The following KIRREL2 variants were observed in gnomAD, a reference collection of about 807,000 sequenced individuals.
KIRREL2 encodes kirre like nephrin family adhesion molecule 2, also known as kin of IRRE-like protein 2.
KIRREL2 carries 56 observed loss-of-function variants against 73.4 expected under a neutral mutation model. The observed-to-expected ratio is 0.76, with a 90% CI of 0.62 to 0.95. The LOEUF is 0.95. Among genes scored for constraint, KIRREL2 ranks in the 40% least tolerant of loss-of-function variants. The pLI is 0.00. For missense variants in KIRREL2, 896 were observed against 935.0 expected (o/e 0.96, Z 0.54); for synonymous variants, 407 against 404.0 (o/e 1.01, Z -0.09).
Position 35,860,630 on chromosome 19 carries a change from G to T in KIRREL2, c.891G>T (p.Val297=). 1.2e-6 allele frequency: 2 copies of T among 1,603,558 alleles called. No homozygotes were observed. The highest frequency in any genetic ancestry group is 8.5e-7 in the Non-Finnish European group (1 of 1,179,954). The part of the protein sequence containing the change: ...EPVSCEVSNA[V]GSANRSTALD... ...TGTCCTGCGAGGTCAGCAACGCCGT[G>T]GGTAGCGCCAACCGCAGTACTGCGC... Residue 297 remains valine (V), a synonymous_variant, in exon 7 of 15, where the codon GTG becomes GTT. Transcript: ENST00000360202.
Position 35,864,478 on chromosome 19 carries a change from C to T in KIRREL2, c.1726-170C>T, listed in dbSNP as rs186095234. On this transcript the variant is annotated intron_variant, in intron 13 of 14. Coordinates refer to ENST00000360202, the MANE Select transcript of KIRREL2 (RefSeq NM_199180.4). ...GTGCTGGGATTACATGCATGAGCCA[C>T]TGTGCTGGCTTCTTACAGCCCTTTT... Among the ~76,000 whole-genome samples, 931 of 152,288 alleles carry T rather than the reference C, an allele frequency of 6.1e-3. 3 individuals are homozygous for T. Among genetic ancestry groups the T allele is most frequent in the Non-Finnish European group, 9.7e-3 (661 of 68,022 alleles).
upstream of KIRREL2, chr19:35,851,696 G>A (rs200757178): frequency 1.3e-6 from 2 of 1,599,764 alleles, no homozygotes; most frequent in East Asian, 2.3e-5. Flanking sequence ...GCGGTGCAAG[G>A]AAAGGGCAGA....
At chr19:35,855,322 C>T (rs1014471093), upstream of KIRREL2, among the ~76,000 whole-genome samples, 4 of 152,002 alleles carry the variant, frequency 2.6e-5, no homozygotes, top group Non-Finnish European at 5.9e-5. Flanking sequence ...CCACCCTCCA[C>T]CTTGGCTGTT....
chr19:35,860,550 G>A lies in KIRREL2; in HGVS notation c.811G>A (p.Ala271Thr), dbSNP rs1411861394. The change falls in exon 7 of 15, where the codon GCC becomes ACC. Residue 271 changes from alanine to threonine, a missense_variant. Coordinates refer to ENST00000360202, the MANE Select transcript of KIRREL2 (RefSeq NM_199180.4). ...WAKGGSPVLG[A>T]RGPRLEVVAD... ...AAAAGGGGGCTCTCCGGTGCTCGGG[G>A]CCCGCGGGCCAAGGTTAGAGGTCGT... is the stretch of plus-strand genomic sequence containing the variant. 6.2e-7 allele frequency: 1 copy of A among 1,603,222 alleles called. No individual in the cohort carries two copies. Among genetic ancestry groups the A allele is most frequent in the Non-Finnish European group, 8.5e-7 (1 of 1,179,954 alleles).
chr19:35,858,353 C>G, intron 2 of KIRREL2, 55 bp from the exon 3 acceptor site: 1 of 1,587,252 alleles, frequency 6.3e-7, no homozygotes, highest in Non-Finnish European at 8.6e-7. Flanking sequence ...GGATGGAGGC[C>G]TGAGGCCAGG....
At chr19:35,865,570 G>A (rs760647944) in intron 14 of KIRREL2, among the ~76,000 whole-genome samples, 12 of 152,150 alleles carry the variant, frequency 7.9e-5, no homozygotes, top group African/African-American at 1.7e-4. Flanking sequence ...CCATGCTTCC[G>A]TCATGACAGC....
chr19:35,851,894 C>A (rs140404523), upstream of KIRREL2: 8,611 of 1,455,906 alleles, frequency 5.9e-3, 36 homozygotes, highest in Non-Finnish European at 6.8e-3. Flanking sequence ...CTGCGTCTGT[C>A]TGGCTTTCTC....
rs375947934 is a variant in KIRREL2 at position 35,858,705 on chromosome 19, C to T, written c.363C>T (p.Val121=). The change falls in exon 4 of 15, where the codon GTC becomes GTT. Residue 121 remains valine, a splice_region_variant and synonymous_variant. Coordinates refer to ENST00000360202, the MANE Select transcript of KIRREL2 (RefSeq NM_199180.4). The stretch of plus-strand genomic sequence containing the variant: ...TCTGACCCCAAATCCACCTTGCAGT[C>T]CCCCCAGAAGCCCCCCAGGTGCTGG... ...RSRPAQLHVL[V]PPEAPQVLGG... 2.5e-6 allele frequency: 4 copies of T among 1,613,640 alleles called. No homozygotes were observed. Among genetic ancestry groups the T allele is most frequent in the Non-Finnish European group, 3.4e-6 (4 of 1,179,830 alleles).
intron 3 of KIRREL2, 69 bp from the exon 4 acceptor site, chr19:35,858,635 G>A: frequency 1.2e-6 from 2 of 1,607,924 alleles, no homozygotes; most frequent in Admixed American, 3.3e-5. Context: ...AGCCCAGGGA[G>A]CCCAGGGGCA....
rs1973604019 is a variant in KIRREL2, at chr19:35,860,231, A to G, written c.674-66A>G. On this transcript the variant is annotated intron_variant, in intron 5 of 14. Transcript: ENST00000360202. Reference sequence around the variant, plus strand: ...CTGGGATGGAGGAACCAGGGACTGGACACCTAGGCCAGTGACGGAGGTGTT... The same window carrying G: ...CTGGGATGGAGGAACCAGGGACTGGGCACCTAGGCCAGTGACGGAGGTGTT... The G allele has an allele frequency of 3.8e-6, 5 of 1,323,456 alleles. No individual in the cohort carries two copies. The South Asian group carries it at 5.0e-5, about 13-fold the overall frequency. The allele number at this position is 1,323,456 out of a possible 1,614,324, so 82.0% of individuals were successfully genotyped here.
chr19:35,858,605 G>T (rs375985986), intron 3 of KIRREL2, 48 bp downstream of exon 3: 5 of 1,611,250 alleles, frequency 3.1e-6, no homozygotes, highest in Non-Finnish European at 4.2e-6. Context: ...AGGGCAGCCC[G>T]TACTAGCTGT....
chr19:35,857,569 C>A, intron 2 of KIRREL2, 75 bp downstream of exon 2: 1 of 1,405,310 alleles, frequency 7.1e-7, no homozygotes, highest in Non-Finnish European at 9.6e-7. Flanking sequence ...CCTGCAGTTT[C>A]TATTTTGACA....
chr19:35,861,706 C>G (rs1973696302), intron 10 of KIRREL2, 65 bp downstream of exon 10: 52 of 1,589,696 alleles, frequency 3.3e-5, no homozygotes, highest in Non-Finnish European at 4.3e-5. Flanking sequence ...ACCTGGCCCC[C>G]CGAAACTACT....
At chr19:35,851,959 T>C (rs1973278145), upstream of KIRREL2, 1 of 801,804 alleles carries the variant, frequency 1.2e-6, no homozygotes, top group Non-Finnish European at 2.1e-6. Flanking sequence ...TCTCTTTCCG[T>C]TACTCTCCTC....
At chr19:35,855,768 T>TG (rs1285025227), upstream of KIRREL2, 2 of 151,690 alleles carry the variant, frequency 1.3e-5, no homozygotes, top group African/African-American at 2.4e-5. Context: ...TGGGCCTGTG[T>TG]GGGGGTGGGG....
At chr19:35,855,700 C>CACACACAT, upstream of KIRREL2, among the ~76,000 whole-genome samples, 1 of 138,512 alleles carries the variant, frequency 7.2e-6, no homozygotes, top group Non-Finnish European at 1.5e-5. Context: ...CACACACACA[C>CACACACAT]ACACACATAC....
upstream of KIRREL2, chr19:35,851,675 G>A: frequency 6.2e-7 from 1 of 1,611,620 alleles, no homozygotes; most frequent in Non-Finnish European, 8.5e-7. Context: ...CGCCAGGCCT[G>A]AGGACACAGC....
chr19:35,866,543 G>T lies in KIRREL2; in HGVS notation c.*51G>T. On this transcript the variant is annotated 3_prime_UTR_variant, in exon 15 of 15. Transcript: ENST00000360202. The stretch of plus-strand genomic sequence containing the variant: ...GATCTCCAACTTGCCATAATGGATT[G>T]TTCTGATTTCTGAGGAGCCAGGACA... The T allele has an allele frequency of 6.2e-7, 1 of 1,611,214 alleles. No individual in the cohort carries two copies. Among genetic ancestry groups the T allele is most frequent in the Non-Finnish European group, 8.5e-7 (1 of 1,179,250 alleles).
At chr19:35,862,471 A>G in intron 11 of KIRREL2, 22 bp from the exon 12 acceptor site, 3 of 1,582,570 alleles carry the variant, frequency 1.9e-6, no homozygotes, top group Non-Finnish European at 2.6e-6. Context: ...CCTTCTCAGG[A>G]TGTCCCCTCT....
Sources: gnomAD v4.1 joint callset for allele counts (sites outside exome capture counted in the v4.1 genomes callset) on GRCh38, gnomAD v4.1.1 for gene constraint, MANE v1.5 for transcripts, NCBI Gene and HGNC (gene_info 2026-07-23, HGNC 2026-07-21) for gene names.